The following SDK1 variants were observed in gnomAD, a reference collection of about 807,000 sequenced individuals.
The protein encoded by SDK1 is protein sidekick-1.
Under a neutral mutation model 245.5 loss-of-function variants are expected in SDK1, and 157 were observed. That is an observed-to-expected ratio of 0.64 (90% confidence interval 0.56 to 0.73). The LOEUF is 0.73. SDK1 is among the 30% of genes least tolerant of loss of function. SDK1 has a pLI of 0.00. For synonymous variants in SDK1, 1,647 were observed against 1,278.5 expected (o/e 1.29, Z -6.15); for missense variants, 3,583 against 3,002.3 (o/e 1.19, Z -4.52).
chr7:3,441,234 CTG>C lies in SDK1; in HGVS notation c.298+139352_298+139353del, dbSNP rs531800380. On this transcript the variant is annotated intron_variant, in intron 1 of 44. Coordinates refer to ENST00000404826, the MANE Select transcript of SDK1 (RefSeq NM_152744.4). ...TTTATTTTATGATTTATAAATTAAA[CTG>C]TATCATAGGTAAATATGAATAGGAA... is the stretch of plus-strand genomic sequence containing the variant. Among the ~76,000 whole-genome samples the C allele has an allele frequency of 8.1e-4, 123 of 152,132 alleles. 2 individuals are homozygous for C. Among genetic ancestry groups the C allele is most frequent in the Middle Eastern group, 6.8e-3 (2 of 294 alleles).
At chr7:3,639,952 TCCTC>T (rs935478827) in intron 3 of SDK1, among the ~76,000 whole-genome samples, 3 of 152,132 alleles carry the variant, frequency 2.0e-5, no homozygotes, top group Admixed American at 6.5e-5. Flanking sequence ...GCTCAAGTGA[TCCTC>T]CCTCCTCAGC....
At chr7:3,737,079 C>G (rs1779335416) in intron 4 of SDK1, among the ~76,000 whole-genome samples, 3 of 152,196 alleles carry the variant, frequency 2.0e-5, no homozygotes, top group Non-Finnish European at 4.4e-5. Flanking sequence ...TCCATGTTAT[C>G]ACAAATGGAG....
At chr7:3,506,887 T>A (rs1782412003) in intron 1 of SDK1, among the ~76,000 whole-genome samples, 1 of 152,204 alleles carries the variant, frequency 6.6e-6, no homozygotes, top group Non-Finnish European at 1.5e-5. Flanking sequence ...CCTTCCTTAT[T>A]AATTCCATCA....
At chr7:3,643,304 C>G (rs1003246510) in intron 4 of SDK1, 30 of 149,868 alleles carry the variant, frequency 2.0e-4, no homozygotes, top group African/African-American at 6.9e-4. Context: ...CCTCGTGATT[C>G]TCATCTCCCA....
At chr7:4,029,230 G>GTGTT (rs1302594007) in intron 17 of SDK1, among the ~76,000 whole-genome samples, 1 of 35,716 alleles carries the variant, frequency 2.8e-5, no homozygotes. Context: ...TTTTTTTTTT[G>GTGTT]TGAAGAAGTC....
At chr7:3,667,353 T>G (rs1400518176) in intron 4 of SDK1, among the ~76,000 whole-genome samples, 2 of 152,242 alleles carry the variant, frequency 1.3e-5, no homozygotes, top group Non-Finnish European at 2.9e-5. Flanking sequence ...TAGAATGACA[T>G]TTTGGCAATA....
At chr7:3,719,973 C>T (rs543173395) in intron 4 of SDK1, among the ~76,000 whole-genome samples, 44 of 147,182 alleles carry the variant, frequency 3.0e-4, no homozygotes, top group Non-Finnish European at 5.1e-4. Flanking sequence ...AAGACTCCAT[C>T]TCTTAAAAAA....
At chr7:3,874,636 C>G (rs1323343228) in intron 5 of SDK1, among the ~76,000 whole-genome samples, 1 of 152,106 alleles carries the variant, frequency 6.6e-6, no homozygotes, top group Non-Finnish European at 1.5e-5. Flanking sequence ...TGCGATCCCA[C>G]CCCTGCCCTC....
At chr7:3,987,405 G>A (rs1186871355) in intron 14 of SDK1, 83 bp downstream of exon 14, 1 of 1,428,172 alleles carries the variant, frequency 7.0e-7, no homozygotes, top group East Asian at 2.3e-5. Context: ...TTTACTTCTG[G>A]GTCAGACCCA....
At chr7:3,966,671 C>G (rs1384025493) in intron 9 of SDK1, among the ~76,000 whole-genome samples, 4 of 152,008 alleles carry the variant, frequency 2.6e-5, no homozygotes, top group Admixed American at 2.0e-4. Context: ...ATTTTGTATT[C>G]AATAATTAGC....
chr7:3,853,447 T>C (rs996195564), intron 5 of SDK1, among the ~76,000 whole-genome samples: 17 of 152,218 alleles, frequency 1.1e-4, no homozygotes, highest in Non-Finnish European at 1.9e-4. Flanking sequence ...GATTTTAATA[T>C]TAAAAACTCT....
chr7:4,119,104 A>G (rs1390476404), intron 25 of SDK1, among the ~76,000 whole-genome samples: 2 of 147,730 alleles, frequency 1.4e-5, no homozygotes, highest in Non-Finnish European at 3.0e-5. Context: ...TAAGGCTTTA[A>G]AAAAAAAGCT....
chr7:3,769,936 CTGTGTGTG>C (rs34066132), intron 4 of SDK1, among the ~76,000 whole-genome samples: 4,468 of 144,718 alleles, frequency 0.031, 234 homozygotes, highest in African/African-American at 0.11. Context: ...TACTTATTGT[CTGTGTGTG>C]TGTGTGTGTG....
intron 1 of SDK1, among the ~76,000 whole-genome samples, chr7:3,484,879 T>C (rs887996604): frequency 3.9e-5 from 6 of 152,200 alleles, no homozygotes; most frequent in Non-Finnish European, 1.5e-5. Context: ...AAGCATAACA[T>C]ATTTTGTTTG....
chr7:3,536,730 T>C (rs2128619396), intron 1 of SDK1, among the ~76,000 whole-genome samples: 1 of 152,028 alleles, frequency 6.6e-6, no homozygotes, highest in East Asian at 1.9e-4. Context: ...AACCTATGCA[T>C]TGAAAAGTGT....
chr7:3,825,405 A>G (rs1292553365), intron 5 of SDK1, among the ~76,000 whole-genome samples: 1 of 151,926 alleles, frequency 6.6e-6, no homozygotes, highest in African/African-American at 2.4e-5. Context: ...GCCATTGTAC[A>G]TGCCTTAGAC....
chr7:3,846,977 C>G (rs11976915), intron 5 of SDK1, among the ~76,000 whole-genome samples: 54,114 of 152,014 alleles, frequency 0.36, 13,780 homozygotes, highest in African/African-American at 0.73. Context: ...CCCTACTGCG[C>G]GGCTGGCTGT....
At chr7:3,613,898 C>T (rs926529649) in intron 1 of SDK1, among the ~76,000 whole-genome samples, 1 of 152,126 alleles carries the variant, frequency 6.6e-6, no homozygotes, top group Non-Finnish European at 1.5e-5. Context: ...CACATGTTCT[C>T]CTCCTATAAG....
chr7:3,742,134 C>T (rs1005567860), intron 4 of SDK1, among the ~76,000 whole-genome samples: 1 of 148,238 alleles, frequency 6.7e-6, no homozygotes, highest in African/African-American at 2.6e-5. Context: ...ATTCTCTGTT[C>T]CTCTTTTTTT....
Sources: allele counts gnomAD v4.1 joint callset (sites outside exome capture counted in the v4.1 genomes callset), GRCh38; gene constraint gnomAD v4.1.1; transcripts MANE v1.5; gene names NCBI Gene and HGNC (gene_info 2026-07-23, HGNC 2026-07-21).